AP3B1: variants seen among roughly 807,000 people sequenced by gnomAD.
The protein encoded by AP3B1 is AP-3 complex subunit beta-1.
A neutral mutation model predicts 132.5 loss-of-function variants in AP3B1; 61 were observed. The ratio of observed to expected loss-of-function variants is 0.46; its 90% CI spans 0.37 to 0.57. AP3B1 has a LOEUF of 0.57. Ranked by LOEUF, AP3B1 falls within the 20% of genes least tolerant of loss-of-function variation. AP3B1 has a pLI of 0.00. For missense variants in AP3B1, 1,120 were observed against 1,289.4 expected (o/e 0.87, Z 2.01); for synonymous variants, 388 against 438.3 (o/e 0.89, Z 1.43).
At chr5:78,201,706 T>C (rs1745295988) in intron 7 of AP3B1, among the ~76,000 whole-genome samples, 1 of 152,162 alleles carries the variant, frequency 6.6e-6, no homozygotes. Context: ...GCAACCTGGA[T>C]TAACAGACGA....
intron 22 of AP3B1, among the ~76,000 whole-genome samples, chr5:78,047,772 T>C (rs1448540308): frequency 6.6e-6 from 1 of 152,232 alleles, no homozygotes; most frequent in Non-Finnish European, 1.5e-5. Context: ...CTCTGGCTAC[T>C]TCTATTGCTT....
intron 6 of AP3B1, among the ~76,000 whole-genome samples, chr5:78,216,655 T>C (rs940074649): frequency 2.0e-5 from 3 of 152,156 alleles, no homozygotes; most frequent in Non-Finnish European, 4.4e-5. Flanking sequence ...CAGTTTAAAA[T>C]GAGAACGACA....
chr5:78,169,250 A>G (rs1286200468), intron 11 of AP3B1, among the ~76,000 whole-genome samples: 1 of 146,066 alleles, frequency 6.8e-6, no homozygotes, highest in African/African-American at 2.4e-5. Flanking sequence ...GTTAGCATGA[A>G]TTATGTTTTT....
At chr5:78,169,712 G>A (rs1743823617) in intron 11 of AP3B1, among the ~76,000 whole-genome samples, 1 of 151,238 alleles carries the variant, frequency 6.6e-6, no homozygotes, top group Admixed American at 6.6e-5. Flanking sequence ...ACAGGCATGA[G>A]CCACTGTGCC....
At chr5:78,165,499 C>T (rs1348375793) in intron 12 of AP3B1, 111 bp downstream of exon 12, 16 of 772,980 alleles carry the variant, frequency 2.1e-5, no homozygotes, top group Non-Finnish European at 3.1e-5. Context: ...TCAGTCTTGT[C>T]CCAATCACTA....
At chr5:78,104,353 T>G (rs1277547452) in intron 20 of AP3B1, among the ~76,000 whole-genome samples, 1 of 152,132 alleles carries the variant, frequency 6.6e-6, no homozygotes, top group Non-Finnish European at 1.5e-5. Context: ...AAACAGATCT[T>G]TTCCTATTAG....
At chr5:78,174,581 T>C (rs1744066640) in intron 11 of AP3B1, among the ~76,000 whole-genome samples, 1 of 151,152 alleles carries the variant, frequency 6.6e-6, no homozygotes, top group Admixed American at 6.6e-5. Context: ...TGCTGCCTGG[T>C]CCTTCCTCTG....
At chr5:78,034,942 T>G (rs1036105246) in intron 23 of AP3B1, among the ~76,000 whole-genome samples, 1 of 151,836 alleles carries the variant, frequency 6.6e-6, no homozygotes, top group Non-Finnish European at 1.5e-5. Flanking sequence ...GAAGAAGAAA[T>G]TAAGATGCAC....
chr5:78,172,088 C>T (rs1743943202), intron 11 of AP3B1, among the ~76,000 whole-genome samples: 1 of 152,140 alleles, frequency 6.6e-6, no homozygotes, highest in African/African-American at 2.4e-5. Context: ...AGGGAAGAAT[C>T]CATCTTGACT....
At chr5:78,233,544 T>C (rs1390400464) in intron 3 of AP3B1, among the ~76,000 whole-genome samples, 1 of 152,180 alleles carries the variant, frequency 6.6e-6, no homozygotes, top group African/African-American at 2.4e-5. Flanking sequence ...CCAGCCTTTC[T>C]TTTCTAAAAG....
chr5:78,291,795 G>GA (rs141470059), intron 1 of AP3B1, among the ~76,000 whole-genome samples: 1,752 of 151,616 alleles, frequency 0.012, 22 homozygotes, highest in Non-Finnish European at 0.019. Context: ...AAATGCTTGG[G>GA]AAAAAAAACA....
chr5:78,064,883 T>C (rs1398985125), intron 22 of AP3B1, among the ~76,000 whole-genome samples: 1 of 152,112 alleles, frequency 6.6e-6, no homozygotes, highest in Non-Finnish European at 1.5e-5. Context: ...AGTAATGTAA[T>C]AAACTAACAT....
chr5:78,004,734 T>G (rs1746320807), intron 26 of AP3B1, among the ~76,000 whole-genome samples: 1 of 152,242 alleles, frequency 6.6e-6, no homozygotes, highest in Non-Finnish European at 1.5e-5. Context: ...CATTTGCTTG[T>G]GCACTCTACA....
At chr5:78,146,088 G>A (rs1363892270) in intron 14 of AP3B1, among the ~76,000 whole-genome samples, 2 of 152,182 alleles carry the variant, frequency 1.3e-5, no homozygotes, top group Non-Finnish European at 2.9e-5. Context: ...CTTATTTTAA[G>A]GCTCACATTT....
intron 17 of AP3B1, among the ~76,000 whole-genome samples, chr5:78,118,186 A>T (rs534030618): frequency 6.6e-6 from 1 of 152,350 alleles, no homozygotes; most frequent in African/African-American, 2.4e-5. Flanking sequence ...TGTTTTATTT[A>T]AAAAATCTCC....
chr5:78,211,521 C>T (rs1745736271), intron 7 of AP3B1, among the ~76,000 whole-genome samples: 2 of 152,182 alleles, frequency 1.3e-5, no homozygotes, highest in South Asian at 2.1e-4. Flanking sequence ...AAAGCATGTA[C>T]ATCAGCTCAT....
intron 15 of AP3B1, among the ~76,000 whole-genome samples, chr5:78,130,019 CTTA>C (rs1447432722): frequency 6.6e-6 from 1 of 152,060 alleles, no homozygotes; most frequent in Non-Finnish European, 1.5e-5. Context: ...AAGGGAACAA[CTTA>C]TTATAGTAGC....
At chr5:78,108,623 A>G (rs1751444080) in intron 20 of AP3B1, among the ~76,000 whole-genome samples, 1 of 152,224 alleles carries the variant, frequency 6.6e-6, no homozygotes, top group African/African-American at 2.4e-5. Context: ...GTTCACTGCA[A>G]TAGTTTGAGG....
At chr5:78,276,870 A>C (rs1365592902) in intron 1 of AP3B1, among the ~76,000 whole-genome samples, 1 of 122,034 alleles carries the variant, frequency 8.2e-6, no homozygotes, top group Non-Finnish European at 1.8e-5. Flanking sequence ...CCCTGTCCCT[A>C]AAAAAAAAAA....
Sources: gnomAD v4.1 joint callset for allele counts (sites outside exome capture counted in the v4.1 genomes callset) on GRCh38, gnomAD v4.1.1 for gene constraint, MANE v1.5 for transcripts, NCBI Gene and HGNC (gene_info 2026-07-23, HGNC 2026-07-21) for gene names.